Variants in ARB2A observed in about 807,000 individuals in gnomAD.
ARB2A encodes cotranscriptional regulator ARB2A.
At chr5:93,810,060 T>C in the ARB2A span, among the ~76,000 whole-genome samples, 2 of 152,078 alleles carry the variant, frequency 1.3e-5, no homozygotes, top group African/African-American at 4.8e-5. Flanking sequence ...AAAAGGTAGG[T>C]ATCAGGTATG....
the ARB2A span, among the ~76,000 whole-genome samples, chr5:93,706,226 A>G: frequency 6.6e-6 from 1 of 152,256 alleles, no homozygotes; most frequent in Non-Finnish European, 1.5e-5. Flanking sequence ...AAAGTAATAA[A>G]GAATTGATAC....
the ARB2A span, among the ~76,000 whole-genome samples, chr5:93,941,592 G>A: frequency 6.6e-6 from 1 of 152,212 alleles, no homozygotes; most frequent in African/African-American, 2.4e-5. Context: ...TAAGTCTCCA[G>A]AGTCACTTCT....
the ARB2A span, among the ~76,000 whole-genome samples, chr5:93,651,872 C>G: frequency 3.7e-3 from 558 of 152,108 alleles, 4 homozygotes; most frequent in African/African-American, 0.013. Context: ...AACTCTAAGA[C>G]TATGAGAAGA....
At chr5:93,907,721 T>C in the ARB2A span, among the ~76,000 whole-genome samples, 1 of 151,434 alleles carries the variant, frequency 6.6e-6, no homozygotes, top group Non-Finnish European at 1.5e-5. Context: ...TTTCATATTT[T>C]TACAAGTAAC....
chr5:93,782,277 T>C, the ARB2A span, among the ~76,000 whole-genome samples: 1 of 152,302 alleles, frequency 6.6e-6, no homozygotes, highest in East Asian at 1.9e-4. Flanking sequence ...TCAAAGAGCT[T>C]TCATCCTTGA....
At chr5:93,653,897 C>A in the ARB2A span, among the ~76,000 whole-genome samples, 1 of 152,218 alleles carries the variant, frequency 6.6e-6, no homozygotes, top group Non-Finnish European at 1.5e-5. Context: ...GTGCCAGTGA[C>A]TGGACTCACA....
At chr5:93,741,644 C>T in the ARB2A span, 2 of 1,421,220 alleles carry the variant, frequency 1.4e-6, no homozygotes, top group Admixed American at 2.9e-5. Flanking sequence ...CCCCTCAAGC[C>T]CCGCCCCCCA....
chr5:93,989,330 T>C, the ARB2A span, among the ~76,000 whole-genome samples: 3 of 152,194 alleles, frequency 2.0e-5, no homozygotes, highest in Non-Finnish European at 4.4e-5. Context: ...AACTACTATA[T>C]ATGAGAACAT....
the ARB2A span, among the ~76,000 whole-genome samples, chr5:93,981,998 A>T: frequency 6.6e-6 from 1 of 152,140 alleles, no homozygotes; most frequent in Non-Finnish European, 1.5e-5. Flanking sequence ...ACAAATAGAA[A>T]ACATTACCTA....
the ARB2A span, among the ~76,000 whole-genome samples, chr5:93,779,124 T>TGTGTGTGTGTGC: frequency 0.019 from 2,764 of 146,214 alleles, 75 homozygotes; most frequent in African/African-American, 0.068. Context: ...TGTGTGTGTG[T>TGTGTGTGTGTGC]GCGCGCGCGC....
the ARB2A span, among the ~76,000 whole-genome samples, chr5:93,730,254 T>C: frequency 1.1e-4 from 16 of 152,160 alleles, no homozygotes; most frequent in African/African-American, 3.9e-4. Context: ...TTAACTACTT[T>C]AATGATGTGA....
the ARB2A span, among the ~76,000 whole-genome samples, chr5:94,070,322 A>G: frequency 6.6e-6 from 1 of 152,078 alleles, no homozygotes; most frequent in Non-Finnish European, 1.5e-5. Context: ...CTATCAGAGA[A>G]GTGTGTGGGT....
chr5:93,672,893 T>C, the ARB2A span, among the ~76,000 whole-genome samples: 19 of 152,234 alleles, frequency 1.2e-4, no homozygotes, highest in Admixed American at 1.1e-3. Context: ...GTTTAATGTC[T>C]AACCATGGAT....
chr5:93,851,535 G>C, the ARB2A span, among the ~76,000 whole-genome samples: 5 of 152,084 alleles, frequency 3.3e-5, no homozygotes, highest in Non-Finnish European at 5.9e-5. Context: ...CATGTGCCAT[G>C]CTGGTGTGCT....
chr5:93,856,182 G>T, the ARB2A span, among the ~76,000 whole-genome samples: 1 of 152,122 alleles, frequency 6.6e-6, no homozygotes, highest in Non-Finnish European at 1.5e-5. Flanking sequence ...GCTTCCCTTT[G>T]TGGGTAACCC....
At chr5:93,766,494 A>G in the ARB2A span, among the ~76,000 whole-genome samples, 5 of 152,182 alleles carry the variant, frequency 3.3e-5, no homozygotes, top group Non-Finnish European at 7.3e-5. Flanking sequence ...ATGAGATACC[A>G]TCTTACACCA....
the ARB2A span, among the ~76,000 whole-genome samples, chr5:93,877,979 G>A: frequency 6.6e-6 from 1 of 152,064 alleles, no homozygotes; most frequent in South Asian, 2.1e-4. Context: ...AATTTTAGCA[G>A]TATAATGACA....
At chr5:93,852,725 T>C in the ARB2A span, among the ~76,000 whole-genome samples, 1 of 152,200 alleles carries the variant, frequency 6.6e-6, no homozygotes, top group Non-Finnish European at 1.5e-5. Flanking sequence ...CTTTCCCTAT[T>C]GCTTGTTTTT....
At chr5:93,759,793 C>T in the ARB2A span, among the ~76,000 whole-genome samples, 1 of 152,130 alleles carries the variant, frequency 6.6e-6, no homozygotes, top group Non-Finnish European at 1.5e-5. Flanking sequence ...CAACATAATA[C>T]TGAATGGAGA....
Sources: allele counts gnomAD v4.1 joint callset (sites outside exome capture counted in the v4.1 genomes callset), GRCh38; gene constraint gnomAD v4.1.1; transcripts MANE v1.5; gene names NCBI Gene and HGNC (gene_info 2026-07-23, HGNC 2026-07-21).